Variants in SETBP1 observed in about 807,000 individuals in gnomAD.
SETBP1 encodes the protein SET binding protein 1.
SETBP1 carries 9 observed loss-of-function variants against 101.0 expected under a neutral mutation model. The ratio of observed to expected loss-of-function variants is 0.09; its 90% CI spans 0.05 to 0.16. The LOEUF (loss-of-function observed/expected upper bound fraction) is 0.16. SETBP1 is among the 10% of genes least tolerant of loss of function. SETBP1 has a pLI of 1.00. For synonymous variants in SETBP1, 818 were observed against 788.5 expected (o/e 1.04, Z -0.63); for missense variants, 1,858 against 2,033.8 (o/e 0.91, Z 1.66).
intron 2 of SETBP1, among the ~76,000 whole-genome samples, chr18:44,703,805 A>T (rs2069163703): frequency 6.6e-6 from 1 of 152,194 alleles, no homozygotes. Context: ...ACATACAGAA[A>T]CTTCTGAGAT....
At chr18:45,057,154 G>A (rs552724933) in intron 5 of SETBP1, among the ~76,000 whole-genome samples, 48 of 152,160 alleles carry the variant, frequency 3.2e-4, no homozygotes, top group African/African-American at 1.1e-3. Context: ...CAGCAACTCA[G>A]ATGCCCCCTA....
chr18:44,893,394 A>C (rs994402551), intron 3 of SETBP1, among the ~76,000 whole-genome samples: 3 of 152,164 alleles, frequency 2.0e-5, no homozygotes, highest in Non-Finnish European at 4.4e-5. Context: ...GGAAGCGTGG[A>C]GATGTTTGGT....
At chr18:45,038,881 A>G (rs2073454465) in intron 5 of SETBP1, among the ~76,000 whole-genome samples, 1 of 152,192 alleles carries the variant, frequency 6.6e-6, no homozygotes, top group Admixed American at 6.5e-5. Flanking sequence ...AAAGCTCTTC[A>G]TTTTATTCTA....
chr18:44,874,498 G>GCCTGTGC (rs2069351923), intron 3 of SETBP1, among the ~76,000 whole-genome samples: 1 of 152,208 alleles, frequency 6.6e-6, no homozygotes, highest in South Asian at 2.1e-4. Flanking sequence ...TCCATACAAG[G>GCCTGTGC]AGTAGGGGGG....
At chr18:44,981,155 G>T (rs540045848) in intron 4 of SETBP1, among the ~76,000 whole-genome samples, 1 of 152,184 alleles carries the variant, frequency 6.6e-6, no homozygotes, top group African/African-American at 2.4e-5. Context: ...ATAATTCTGC[G>T]TGATCTTCAA....
chr18:44,918,726 G>T (rs1251069229), intron 3 of SETBP1, among the ~76,000 whole-genome samples: 1 of 152,224 alleles, frequency 6.6e-6, no homozygotes, highest in Non-Finnish European at 1.5e-5. Flanking sequence ...GTTTACAAAA[G>T]AAGATGTACA....
At chr18:44,789,584 A>G (rs942978599) in intron 2 of SETBP1, among the ~76,000 whole-genome samples, 2 of 152,226 alleles carry the variant, frequency 1.3e-5, no homozygotes, top group Admixed American at 6.5e-5. Context: ...GTTGAAATTT[A>G]TATTCCTATT....
At chr18:45,041,889 G>A (rs1207996894) in intron 5 of SETBP1, among the ~76,000 whole-genome samples, 4 of 151,770 alleles carry the variant, frequency 2.6e-5, no homozygotes, top group Admixed American at 6.6e-5. Context: ...CCCGGGAGGC[G>A]GAGGATGCAG....
intron 3 of SETBP1, 50 bp downstream of exon 3, chr18:44,869,333 G>A (rs757963725): frequency 6.4e-7 from 1 of 1,562,762 alleles, no homozygotes; most frequent in South Asian, 1.1e-5. Flanking sequence ...AAATGATCCA[G>A]AGTTTGGTTG....
intron 3 of SETBP1, among the ~76,000 whole-genome samples, chr18:44,899,491 A>G (rs1216980754): frequency 6.6e-6 from 1 of 152,144 alleles, no homozygotes; most frequent in Non-Finnish European, 1.5e-5. Context: ...TCAGCCATGT[A>G]GGAGAGAGCT....
At chr18:44,812,175 T>G (rs2071877406) in intron 2 of SETBP1, among the ~76,000 whole-genome samples, 1 of 151,992 alleles carries the variant, frequency 6.6e-6, no homozygotes, top group South Asian at 2.1e-4. Flanking sequence ...CTACCTCTGT[T>G]CTCCCAGTCC....
chr18:44,967,921 A>C lies in SETBP1; in HGVS notation c.4000+14581A>C, dbSNP rs375903488. On this transcript the variant is annotated intron_variant, in intron 4 of 5. Transcript: ENST00000649279. The stretch of plus-strand genomic sequence containing the variant: ...ACCTTGCAGAGAGGAAGATCCTAGC[A>C]TTTTGCCTCATGACTAAGTACCTGT... Among the ~76,000 whole-genome samples, 10 of 152,242 alleles carry C rather than the reference A, an allele frequency of 6.6e-5. No homozygotes were observed. The South Asian group carries it at 1.2e-3, about 19-fold the overall frequency.
At chr18:45,036,629 AAT>A (rs1824017861) in intron 4 of SETBP1, among the ~76,000 whole-genome samples, 1 of 152,238 alleles carries the variant, frequency 6.6e-6, no homozygotes, top group African/African-American at 2.4e-5. Flanking sequence ...AGTGCTATGA[AAT>A]ATAAACTCCA....
At chr18:44,997,942 C>T (rs138485009) in intron 4 of SETBP1, among the ~76,000 whole-genome samples, 78 of 152,254 alleles carry the variant, frequency 5.1e-4, no homozygotes, top group African/African-American at 1.8e-3. Context: ...TACTTTGAGC[C>T]TCATGTTCAA....
chr18:44,875,049 G>A (rs1406598308), intron 3 of SETBP1, among the ~76,000 whole-genome samples: 1 of 152,190 alleles, frequency 6.6e-6, no homozygotes, highest in East Asian at 1.9e-4. Context: ...GAAATGGAAG[G>A]CAACTGGGGG....
intron 3 of SETBP1, among the ~76,000 whole-genome samples, chr18:44,890,630 G>T (rs546551086): frequency 8.9e-4 from 136 of 152,104 alleles, no homozygotes; most frequent in African/African-American, 3.0e-3. Context: ...GCCTACACCT[G>T]GAAGAAGGAA....
intron 4 of SETBP1, among the ~76,000 whole-genome samples, chr18:45,013,522 T>A (rs2072882482): frequency 6.6e-6 from 1 of 151,954 alleles, no homozygotes; most frequent in South Asian, 2.1e-4. Flanking sequence ...TCATCGCAAC[T>A]TCTGCCTCCC....
chr18:44,905,707 A>G (rs1321159464), intron 3 of SETBP1, among the ~76,000 whole-genome samples: 3 of 152,188 alleles, frequency 2.0e-5, no homozygotes, highest in African/African-American at 7.2e-5. Flanking sequence ...TCCACCTCTG[A>G]TTCAAGGACT....
chr18:44,802,416 T>C (rs866856335), intron 2 of SETBP1, among the ~76,000 whole-genome samples: 2 of 152,306 alleles, frequency 1.3e-5, no homozygotes, highest in Non-Finnish European at 2.9e-5. Context: ...CGAAAGTGTC[T>C]GACTATATAC....
Sources: gnomAD v4.1 joint callset for allele counts (sites outside exome capture counted in the v4.1 genomes callset) on GRCh38, gnomAD v4.1.1 for gene constraint, MANE v1.5 for transcripts, NCBI Gene and HGNC (gene_info 2026-07-23, HGNC 2026-07-21) for gene names.